Variants in FRMPD2 observed in about 807,000 individuals in gnomAD.
FRMPD2 encodes FERM and PDZ domain-containing protein 2.
A neutral mutation model predicts 140.1 loss-of-function variants in FRMPD2; 96 were observed. That is an observed-to-expected ratio of 0.69 (90% CI 0.58 to 0.81). FRMPD2 has a LOEUF of 0.81. Ranked by LOEUF, FRMPD2 falls within the 40% of genes least tolerant of loss-of-function variation. The probability of loss-of-function intolerance (pLI) is 0.00; values close to 1 mark genes in which losing one functional copy is unlikely to be tolerated. For missense variants in FRMPD2, 1,240 were observed against 1,447.4 expected, an observed-to-expected ratio of 0.86 and a Z score of 2.32; for synonymous variants, 449 against 547.6, an observed-to-expected ratio of 0.82 and a Z score of 2.52.
At chr10:48,207,499 C>G (rs1044022185) in intron 13 of FRMPD2, among the ~76,000 whole-genome samples, 1 of 152,132 alleles carries the variant, frequency 6.6e-6, no homozygotes, top group African/African-American at 2.4e-5. Context: ...GTCCCCGTAG[C>G]CCAGGGTCTT....
chr10:48,174,040 A>T (rs538220174), intron 24 of FRMPD2, among the ~76,000 whole-genome samples: 299 of 152,340 alleles, frequency 2.0e-3, no homozygotes, highest in African/African-American at 6.9e-3. Context: ...CCAATAAATT[A>T]TGGCTCTGTT....
chr10:48,249,699 G>A (rs546998698), intron 2 of FRMPD2, among the ~76,000 whole-genome samples: 3 of 152,308 alleles, frequency 2.0e-5, no homozygotes, highest in Middle Eastern at 3.4e-3. Flanking sequence ...CCCCAAGCAC[G>A]TGTGACCTGT....
intron 2 of FRMPD2, among the ~76,000 whole-genome samples, chr10:48,251,249 A>G (rs573271269): frequency 1.3e-5 from 2 of 152,076 alleles, no homozygotes; most frequent in East Asian, 3.9e-4. Context: ...CACTGCAGCC[A>G]CTCTCTTCCT....
chr10:48,243,664 T>C (rs749220452), intron 4 of FRMPD2, among the ~76,000 whole-genome samples: 1 of 151,964 alleles, frequency 6.6e-6, no homozygotes, highest in Non-Finnish European at 1.5e-5. Context: ...CACTGAGAAG[T>C]CAGAAGGCAA....
intron 1 of FRMPD2, among the ~76,000 whole-genome samples, chr10:48,270,215 G>T (rs578261643): frequency 2.6e-4 from 39 of 152,250 alleles, no homozygotes; most frequent in African/African-American, 8.9e-4. Context: ...ACGTGGTCTC[G>T]AGGCCCATTT....
intron 24 of FRMPD2, among the ~76,000 whole-genome samples, 197 bp downstream of exon 24, chr10:48,174,673 T>G (rs1263575707): frequency 6.6e-6 from 1 of 150,842 alleles, no homozygotes; most frequent in Non-Finnish European, 1.5e-5. Context: ...CTCAGAAACA[T>G]CTATCTGCTA....
intron 9 of FRMPD2, 119 bp from the exon 10 acceptor site, chr10:48,232,408 A>G: frequency 1.4e-6 from 1 of 701,452 alleles, no homozygotes; most frequent in East Asian, 2.8e-5. Flanking sequence ...CAACTCTAAA[A>G]GATAAGTATA....
intron 2 of FRMPD2, among the ~76,000 whole-genome samples, chr10:48,249,769 C>T (rs541163200): frequency 5.9e-5 from 9 of 152,254 alleles, no homozygotes; most frequent in African/African-American, 1.9e-4. Context: ...CCTAGGAGCC[C>T]CATAGTCATC....
rs1027494238 is a variant in FRMPD2, at chr10:48,222,329, C to T, written c.1439G>A (p.Gly480Asp). ...LGVLALQAEF[G>D]NYPKEQVESK... is the part of the protein sequence containing the mutation. ...CACCCCTACCTCCTTAGGGTAATTG[C>T]CAAACTCAGCCTGCAAGGCAAGGAC... is the stretch of plus-strand genomic sequence containing the variant. Residue 480 changes from glycine to aspartate, a missense_variant, in exon 12 of 29, where the codon GGC becomes GAC. By Grantham distance (94) the Gly-to-Asp change is moderately conservative. Around this residue, in one of 6 missense-constraint regions of FRMPD2, gnomAD observed 1,161 missense variants for 1,055.9 expected, o/e 1.10. Coordinates refer to ENST00000374201, the MANE Select transcript of FRMPD2 (RefSeq NM_001018071.4). The T allele has an allele frequency of 2.5e-6, 4 of 1,613,946 alleles. No homozygotes were observed. The highest frequency in any genetic ancestry group is 3.4e-6 in the Non-Finnish European group (4 of 1,179,970).
intron 2 of FRMPD2, among the ~76,000 whole-genome samples, chr10:48,250,940 G>A (rs1840364194): frequency 6.6e-6 from 1 of 150,922 alleles, no homozygotes; most frequent in African/African-American, 2.5e-5. Context: ...GAGATTACAG[G>A]CGAGCGCAAC....
chr10:48,206,766 G>A lies in FRMPD2; in HGVS notation c.1779C>T (p.Thr593=), dbSNP rs376421828. ...CACTCACATAAGTAGAAATCTTCCC[G>A]GTTTCTCTCCACTGAAACCGTAACA... ...IAMLRFQWRE[T]GKISTYQKKF... The change falls in exon 14 of 29, where the codon ACC becomes ACT. Residue 593 remains threonine, a synonymous_variant. Transcript: ENST00000374201. 7.0e-5 allele frequency: 113 copies of A among 1,613,690 alleles called. No individual in the cohort carries two copies. Among genetic ancestry groups the A allele is most frequent in the Non-Finnish European group, 8.9e-5 (105 of 1,179,804 alleles).
chr10:48,272,737 G>A (rs80211941), intron 1 of FRMPD2, among the ~76,000 whole-genome samples: 6,064 of 152,246 alleles, frequency 0.04, 413 homozygotes, highest in African/African-American at 0.14. Flanking sequence ...AGTGTGTCGC[G>A]TCCATAGTTG....
At chr10:48,198,371 A>G (rs1280537424) in intron 15 of FRMPD2, among the ~76,000 whole-genome samples, 1 of 152,228 alleles carries the variant, frequency 6.6e-6, no homozygotes. Context: ...ACATGTGGCC[A>G]TTTAAATTTA....
intron 16 of FRMPD2, among the ~76,000 whole-genome samples, chr10:48,188,591 A>T (rs1405190440): frequency 6.6e-6 from 1 of 152,190 alleles, no homozygotes; most frequent in East Asian, 1.9e-4. Context: ...AGGGTGGATG[A>T]CTTTCATGCC....
intron 14 of FRMPD2, among the ~76,000 whole-genome samples, chr10:48,204,143 T>C (rs1231865686): frequency 6.6e-6 from 1 of 152,194 alleles, no homozygotes; most frequent in South Asian, 2.1e-4. Context: ...GCATGAGCTG[T>C]ACAGAGCCAG....
At chr10:48,166,231 A>G (rs56393608) in intron 27 of FRMPD2, among the ~76,000 whole-genome samples, 2,002 of 121,662 alleles carry the variant, frequency 0.016, 323 homozygotes, top group African/African-American at 0.059. Flanking sequence ...AGGCTTCCTC[A>G]TGCCAAAGCT....
intron 1 of FRMPD2, among the ~76,000 whole-genome samples, chr10:48,265,372 T>C (rs1840661350): frequency 6.6e-6 from 1 of 152,096 alleles, no homozygotes; most frequent in African/African-American, 2.4e-5. Flanking sequence ...AAATGGAATC[T>C]AATTAAACTA....
At chr10:48,217,782 C>G (rs1041690828) in intron 12 of FRMPD2, among the ~76,000 whole-genome samples, 1 of 152,140 alleles carries the variant, frequency 6.6e-6, no homozygotes, top group African/African-American at 2.4e-5. Context: ...GTTCCAGAAC[C>G]AAGGCAGGCA....
chr10:48,207,016 C>A lies in FRMPD2; in HGVS notation c.1612-83G>T, dbSNP rs1456982362. ...CTCACGCCATTCACTCCATGCAAAA[C>A]ACACTGATAGGCGTTCTGAAAAGAA... On this transcript the variant is annotated intron_variant, in intron 13 of 28. Coordinates refer to ENST00000374201, the MANE Select transcript of FRMPD2 (RefSeq NM_001018071.4). 1.2e-5 allele frequency: 15 copies of A among 1,231,378 alleles called. No homozygotes were observed. In the East Asian group the frequency reaches 3.7e-4, roughly 30 times the overall value. 76.3% of individuals were successfully genotyped at this position (1,231,378 alleles called of 1,614,324 possible).
Sources: allele counts gnomAD v4.1 joint callset (sites outside exome capture counted in the v4.1 genomes callset), GRCh38; gene constraint gnomAD v4.1.1; regional missense constraint gnomAD v4.1.1; transcripts MANE v1.5; gene names NCBI Gene and HGNC (gene_info 2026-07-23, HGNC 2026-07-21).